PRKD1: variants seen among roughly 807,000 people sequenced by gnomAD.
PRKD1 encodes the protein serine/threonine-protein kinase D1.
A neutral mutation model predicts 95.9 loss-of-function variants in PRKD1; 63 were observed. That is an observed-to-expected ratio of 0.66 (90% confidence interval 0.54 to 0.81). The LOEUF (loss-of-function observed/expected upper bound fraction) is 0.81, where lower values mean the gene tolerates loss of function less well. Ranked by LOEUF, PRKD1 falls within the 30% of genes least tolerant of loss-of-function variation. The pLI, the probability that PRKD1 is intolerant of heterozygous loss-of-function variation, is 0.00. For synonymous variants in PRKD1, 425 were observed against 423.1 expected (o/e 1.00, Z -0.05); for missense variants, 1,048 against 1,165.3 (o/e 0.90, Z 1.47).
At chr14:29,865,103 A>T (rs1892843338) in intron 1 of PRKD1, among the ~76,000 whole-genome samples, 1 of 152,180 alleles carries the variant, frequency 6.6e-6, no homozygotes, top group African/African-American at 2.4e-5. Context: ...TATATTATCA[A>T]TTGGTCAGGA....
At chr14:29,671,166 A>G (rs1363198890) in intron 2 of PRKD1, among the ~76,000 whole-genome samples, 1 of 152,186 alleles carries the variant, frequency 6.6e-6, no homozygotes, top group Non-Finnish European at 1.5e-5. Flanking sequence ...ATTAAAAAAA[A>G]TATGGCTACA....
intron 1 of PRKD1, among the ~76,000 whole-genome samples, chr14:29,891,363 A>G (rs1488549024): frequency 1.3e-5 from 2 of 152,068 alleles, no homozygotes; most frequent in African/African-American, 4.8e-5. Flanking sequence ...CAGTAGCAAA[A>G]ACCAAAAACA....
intron 1 of PRKD1, among the ~76,000 whole-genome samples, chr14:29,806,892 A>ACAATAAAAC (rs1298157256): frequency 1.3e-5 from 2 of 152,168 alleles, no homozygotes; most frequent in Non-Finnish European, 2.9e-5. Context: ...TCAGATCACA[A>ACAATAAAAC]CAATAAAACC....
intron 10 of PRKD1, among the ~76,000 whole-genome samples, chr14:29,630,093 TTTC>T (rs543722231): frequency 1.3e-3 from 202 of 151,538 alleles, no homozygotes; most frequent in African/African-American, 4.6e-3. Context: ...GTCCTTCTCC[TTTC>T]TTCTTCTTCT....
At chr14:29,685,749 T>C (rs1293913562) in intron 2 of PRKD1, among the ~76,000 whole-genome samples, 1 of 151,956 alleles carries the variant, frequency 6.6e-6, no homozygotes, top group Non-Finnish European at 1.5e-5. Flanking sequence ...TGTGTGTGTG[T>C]GTGTGTGTAC....
intron 1 of PRKD1, among the ~76,000 whole-genome samples, chr14:29,745,878 T>C (rs972958859): frequency 6.6e-6 from 1 of 152,174 alleles, no homozygotes; most frequent in African/African-American, 2.4e-5. Context: ...TTTAAGAAAA[T>C]GGTATCTAAC....
intron 16 of PRKD1, among the ~76,000 whole-genome samples, chr14:29,583,394 ACCC>A (rs960025996): frequency 4.6e-5 from 7 of 151,966 alleles, no homozygotes; most frequent in African/African-American, 1.7e-4. Flanking sequence ...CAGTTTGAAT[ACCC>A]CCACCTCACA....
At chr14:29,816,576 T>G (rs371625992) in intron 1 of PRKD1, among the ~76,000 whole-genome samples, 14 of 152,364 alleles carry the variant, frequency 9.2e-5, no homozygotes, top group African/African-American at 3.1e-4. Context: ...ACATATGAAC[T>G]TCTTTTAATT....
intron 4 of PRKD1, among the ~76,000 whole-genome samples, chr14:29,642,103 A>C (rs1214820523): frequency 6.6e-6 from 1 of 151,686 alleles, no homozygotes; most frequent in Non-Finnish European, 1.5e-5. Context: ...GGGTTTCTCC[A>C]TGTTCGTCAG....
chr14:29,778,550 A>C (rs570036831), intron 1 of PRKD1, among the ~76,000 whole-genome samples: 40 of 152,342 alleles, frequency 2.6e-4, no homozygotes, highest in African/African-American at 8.9e-4. Context: ...GAAATAGATA[A>C]ATTCCTGGAC....
At chr14:29,601,614 T>C (rs1465487425) in intron 13 of PRKD1, among the ~76,000 whole-genome samples, 2 of 152,220 alleles carry the variant, frequency 1.3e-5, no homozygotes, top group South Asian at 2.1e-4. Flanking sequence ...ACAAAGCTCA[T>C]ATTATCAACC....
intron 1 of PRKD1, among the ~76,000 whole-genome samples, chr14:29,877,740 GCA>G (rs1181717336): frequency 3.3e-5 from 5 of 152,160 alleles, no homozygotes; most frequent in Non-Finnish European, 7.3e-5. Flanking sequence ...TTATTGGATG[GCA>G]CTTCCTTAAA....
chr14:29,826,667 A>ATG (rs1566622242), intron 1 of PRKD1, among the ~76,000 whole-genome samples: 1 of 90,560 alleles, frequency 1.1e-5, no homozygotes, highest in Non-Finnish European at 2.1e-5. Context: ...GTGTGTGTAT[A>ATG]TATGTGTATA....
At chr14:29,668,347 G>A (rs893576255) in intron 2 of PRKD1, among the ~76,000 whole-genome samples, 1 of 152,152 alleles carries the variant, frequency 6.6e-6, no homozygotes, top group Non-Finnish European at 1.5e-5. Context: ...GATTCCAAGA[G>A]AGGAACAATG....
At chr14:29,850,679 C>G (rs1427289767) in intron 1 of PRKD1, among the ~76,000 whole-genome samples, 4 of 151,844 alleles carry the variant, frequency 2.6e-5, no homozygotes, top group Admixed American at 2.0e-4. Context: ...TTCAACACCA[C>G]TCCTATCAAA....
At chr14:29,838,935 G>A (rs1891719815) in intron 1 of PRKD1, among the ~76,000 whole-genome samples, 1 of 152,068 alleles carries the variant, frequency 6.6e-6, no homozygotes, top group South Asian at 2.1e-4. Context: ...GGTAAAAACT[G>A]GGTGGAAGAA....
intron 1 of PRKD1, among the ~76,000 whole-genome samples, chr14:29,757,612 A>T (rs1022040498): frequency 1.3e-5 from 2 of 151,960 alleles, no homozygotes; most frequent in African/African-American, 4.8e-5. Context: ...TGGACATAAA[A>T]TTTAATTGGT....
At chr14:29,642,898 A>T (rs1268332102) in intron 4 of PRKD1, among the ~76,000 whole-genome samples, 1 of 144,456 alleles carries the variant, frequency 6.9e-6, no homozygotes, top group Non-Finnish European at 1.5e-5. Context: ...TGAACCTGAA[A>T]AATCTGCAGA....
chr14:29,775,506 G>A (rs989458806), intron 1 of PRKD1, among the ~76,000 whole-genome samples: 8 of 152,140 alleles, frequency 5.3e-5, no homozygotes, highest in Non-Finnish European at 7.4e-5. Flanking sequence ...TATATCCCAC[G>A]CCTGGCTCGA....
Sources: allele counts gnomAD v4.1 joint callset (sites outside exome capture counted in the v4.1 genomes callset), GRCh38; gene constraint gnomAD v4.1.1; transcripts MANE v1.5; gene names NCBI Gene and HGNC (gene_info 2026-07-23, HGNC 2026-07-21).